The following AIG1 variants were observed in gnomAD, a reference collection of about 807,000 sequenced individuals.
AIG1 encodes androgen-induced gene 1 protein.
AIG1 carries 23 observed loss-of-function variants against 31.4 expected under a neutral mutation model. The observed-to-expected ratio is 0.73, with a 90% CI of 0.53 to 1.04. The LOEUF (loss-of-function observed/expected upper bound fraction) is 1.04, where lower values mean the gene tolerates loss of function less well. Among genes scored for constraint, AIG1 ranks in the 50% least tolerant of loss-of-function variants. AIG1 has a pLI of 0.00. For synonymous variants in AIG1, 100 were observed against 110.5 expected (o/e 0.90, Z 0.60); for missense variants, 274 against 295.0 (o/e 0.93, Z 0.52).
chr6:143,080,434 G>T (rs1778136491), intron 1 of AIG1, among the ~76,000 whole-genome samples: 1 of 152,138 alleles, frequency 6.6e-6, no homozygotes, highest in South Asian at 2.1e-4. Context: ...GAAATGTACG[G>T]CCTGAAGTGC....
In AIG1 at chr6:143,258,900, A is replaced by T. The variant is rs1349236434; in HGVS notation, c.400-25210A>T. Among the ~76,000 whole-genome samples, 3 of 151,966 alleles carry T rather than the reference A, an allele frequency of 2.0e-5. No homozygotes were observed. The highest frequency in any genetic ancestry group is 4.4e-5 in the Non-Finnish European group (3 of 68,002). On this transcript the variant is annotated intron_variant, in intron 3 of 5. Coordinates refer to ENST00000357847, the MANE Select transcript of AIG1 (RefSeq NM_016108.4). This position sits in a 1 kb window ranked among gnomAD's most constrained non-coding sequence, Gnocchi z 4.7. ...GATTAGTTACCATGAGAGCAGTCAG[A>T]CTCTTTTTAACAATCTGCTCTCATG...
chr6:143,221,752 A>G (rs553611326), intron 3 of AIG1, among the ~76,000 whole-genome samples: 3 of 152,302 alleles, frequency 2.0e-5, no homozygotes, highest in South Asian at 4.1e-4. Flanking sequence ...GACTGATTCA[A>G]TGCAATAATT....
At position 143,062,956 on chromosome 6, in the gene AIG1, C is replaced by T. The variant is rs538996184; in HGVS notation, c.141+1890C>T. On this transcript the variant is annotated intron_variant, in intron 1 of 5. Transcript: ENST00000357847. ...CTGTGGGAGCCATAGGTTCTAGAAA[C>T]AGCCCTCAGCATCACTCTTGCAGTA... Among the ~76,000 whole-genome samples, 7 of 152,298 alleles carry T rather than the reference C, an allele frequency of 4.6e-5. No homozygotes were observed. In the East Asian group the frequency reaches 1.4e-3, roughly 29 times the overall value.
chr6:143,262,101 A>G lies in AIG1; in HGVS notation c.400-22009A>G, dbSNP rs547988369. Among the ~76,000 whole-genome samples, 8 of 152,384 alleles carry G rather than the reference A, an allele frequency of 5.2e-5. 1 individual carries two copies. The highest frequency in any genetic ancestry group is 1.2e-4 in the Non-Finnish European group (8 of 68,044). On this transcript the variant is annotated intron_variant, in intron 3 of 5. Coordinates refer to ENST00000357847, the MANE Select transcript of AIG1 (RefSeq NM_016108.4). ...GCTGCAGCTCAGCCCATGGATGTTC[A>G]GTGAAATAAATAACAGAAAGCAGTC...
At chr6:143,237,972 ACT>A (rs1472231863) in intron 3 of AIG1, among the ~76,000 whole-genome samples, 1 of 151,872 alleles carries the variant, frequency 6.6e-6, no homozygotes. Flanking sequence ...ATGGAATCTC[ACT>A]CTGTCACCTA....
chr6:143,118,215 C>T (rs1781902371), intron 1 of AIG1, among the ~76,000 whole-genome samples: 1 of 152,146 alleles, frequency 6.6e-6, no homozygotes, highest in Admixed American at 6.5e-5. Flanking sequence ...AATCCCAGCA[C>T]TTTGGGAGGC....
intron 2 of AIG1, among the ~76,000 whole-genome samples, chr6:143,150,737 A>G (rs1000637023): frequency 1.3e-5 from 2 of 152,070 alleles, no homozygotes; most frequent in African/African-American, 4.8e-5. Flanking sequence ...CTCATGGGGG[A>G]AAAAAATCAC....
At chr6:143,212,376 C>T (rs1394196882) in intron 3 of AIG1, among the ~76,000 whole-genome samples, 2 of 152,152 alleles carry the variant, frequency 1.3e-5, no homozygotes, top group Admixed American at 6.5e-5. Flanking sequence ...CCCTTCTTTA[C>T]CCCAGCCTCC....
chr6:143,100,595 A>G (rs1013396893), intron 1 of AIG1, among the ~76,000 whole-genome samples: 4 of 152,216 alleles, frequency 2.6e-5, no homozygotes, highest in Non-Finnish European at 4.4e-5. Context: ...TTATTTTAAA[A>G]AGCAAGCAAT....
At chr6:143,305,777 C>G (rs2128702494) in intron 4 of AIG1, among the ~76,000 whole-genome samples, 1 of 151,936 alleles carries the variant, frequency 6.6e-6, no homozygotes, top group South Asian at 2.1e-4. Flanking sequence ...TCCTGGGTAT[C>G]CTTGTTAACT....
At chr6:143,069,251 A>G (rs1777023790) in intron 1 of AIG1, among the ~76,000 whole-genome samples, 1 of 152,186 alleles carries the variant, frequency 6.6e-6, no homozygotes, top group Non-Finnish European at 1.5e-5. Flanking sequence ...TCCTGGGCTC[A>G]AGCGATCCAC....
intron 2 of AIG1, among the ~76,000 whole-genome samples, chr6:143,144,472 C>T (rs1052191183): frequency 1.3e-5 from 2 of 151,958 alleles, no homozygotes; most frequent in African/African-American, 4.8e-5. Context: ...GAGAAGTATC[C>T]CCAAAGAGAG....
intron 1 of AIG1, among the ~76,000 whole-genome samples, chr6:143,125,662 C>A (rs971479809): frequency 1.3e-5 from 2 of 152,088 alleles, no homozygotes. Context: ...GTTTATCCAG[C>A]AATTGAGGGA....
chr6:143,339,529 G>T, intron 5 of AIG1, 110 bp from the exon 6 acceptor site: 3 of 1,094,708 alleles, frequency 2.7e-6, no homozygotes, highest in Non-Finnish European at 4.0e-6. Context: ...GTGAATGGGA[G>T]AAGTGAGGGC....
intron 1 of AIG1, among the ~76,000 whole-genome samples, chr6:143,116,968 A>G (rs917144228): frequency 3.3e-5 from 5 of 152,020 alleles, no homozygotes; most frequent in African/African-American, 1.2e-4. Flanking sequence ...GATGTTCCTC[A>G]TCGACAAGGA....
intron 3 of AIG1, among the ~76,000 whole-genome samples, chr6:143,227,776 G>A (rs939092669): frequency 3.3e-5 from 5 of 152,088 alleles, no homozygotes; most frequent in African/African-American, 1.2e-4. Flanking sequence ...CTACTATCAG[G>A]GTGCACATGC....
chr6:143,119,285 CG>C (rs1235194690), intron 1 of AIG1, among the ~76,000 whole-genome samples: 3 of 152,108 alleles, frequency 2.0e-5, no homozygotes, highest in Non-Finnish European at 2.9e-5. Flanking sequence ...ATAAACCTTG[CG>C]GTGCATCTCT....
intron 4 of AIG1, among the ~76,000 whole-genome samples, chr6:143,332,671 G>A (rs1350546220): frequency 1.3e-5 from 2 of 152,208 alleles, no homozygotes; most frequent in Non-Finnish European, 2.9e-5. Context: ...TTATTCTCCT[G>A]TGGTTGCCCA....
chr6:143,259,188 A>G (rs1455051161), intron 3 of AIG1, among the ~76,000 whole-genome samples: 3 of 152,210 alleles, frequency 2.0e-5, no homozygotes, highest in Non-Finnish European at 4.4e-5. Context: ...CTTTCCAGCC[A>G]CCAGAATTGT....
Sources: allele counts gnomAD v4.1 joint callset (sites outside exome capture counted in the v4.1 genomes callset), GRCh38; gene constraint gnomAD v4.1.1; non-coding constraint Gnocchi (gnomAD v3.1); transcripts MANE v1.5; gene names NCBI Gene and HGNC (gene_info 2026-07-23, HGNC 2026-07-21).